RNF220: variants seen among roughly 807,000 people sequenced by gnomAD.
The protein encoded by RNF220 is ring finger protein 220, also known as E3 ubiquitin-protein ligase RNF220.
A neutral mutation model predicts 67.1 loss-of-function variants in RNF220; 7 were observed. That is an observed-to-expected ratio of 0.10 (90% CI 0.06 to 0.20). The LOEUF is 0.20. Ranked by LOEUF, RNF220 falls within the 10% of genes least tolerant of loss-of-function variation. The pLI is 1.00. For missense variants in RNF220, 565 were observed against 740.3 expected (o/e 0.76, Z 2.75); for synonymous variants, 270 against 283.2 (o/e 0.95, Z 0.47).
intron 2 of RNF220, among the ~76,000 whole-genome samples, chr1:44,448,073 C>CGGGT (rs1652284723): frequency 6.6e-6 from 1 of 152,012 alleles, no homozygotes; most frequent in Admixed American, 6.6e-5. Context: ...CCAAGGTGGA[C>CGGGT]GGGTCACTTG....
chr1:44,618,597 C>A (rs1282863120), intron 3 of RNF220, among the ~76,000 whole-genome samples: 2 of 152,210 alleles, frequency 1.3e-5, no homozygotes, highest in Admixed American at 6.5e-5. Flanking sequence ...AGATGGAGGA[C>A]AGATTGTGGA....
At chr1:44,598,187 G>T (rs915607903) in intron 2 of RNF220, among the ~76,000 whole-genome samples, 1 of 152,074 alleles carries the variant, frequency 6.6e-6, no homozygotes, top group Admixed American at 6.5e-5. Context: ...ACAGGGAGGG[G>T]GCTAAGCCCA....
At chr1:44,599,400 C>T (rs1300482242) in intron 2 of RNF220, among the ~76,000 whole-genome samples, 2 of 152,138 alleles carry the variant, frequency 1.3e-5, no homozygotes, top group African/African-American at 2.4e-5. Context: ...GGGTCAGGCG[C>T]GGTGGCTCAC....
At chr1:44,583,055 T>A (rs1665428123) in intron 2 of RNF220, among the ~76,000 whole-genome samples, 1 of 152,084 alleles carries the variant, frequency 6.6e-6, no homozygotes, top group South Asian at 2.1e-4. Context: ...CAAGTCACTG[T>A]CCGTGGAGTC....
At chr1:44,548,269 G>A (rs272568) in intron 2 of RNF220, among the ~76,000 whole-genome samples, 135,769 of 152,202 alleles carry the variant, frequency 0.89, 61,283 homozygotes, top group Non-Finnish European at 0.97. Context: ...CTTTCTCCCT[G>A]CCGTCCATCC....
intron 2 of RNF220, among the ~76,000 whole-genome samples, chr1:44,479,453 T>A (rs765361939): frequency 2.0e-5 from 3 of 152,098 alleles, no homozygotes; most frequent in Non-Finnish European, 2.9e-5. Context: ...ACTCATCAAC[T>A]CTATGTACCA....
rs2148318806 is a variant in RNF220 at position 44,571,194 on chromosome 1, TG to T, written c.626-42969del. Among the ~76,000 whole-genome samples the T allele has an allele frequency of 2.6e-5, 4 of 152,300 alleles. No homozygotes were observed. The East Asian group carries it at 7.7e-4, about 29-fold the overall frequency. ...TCCCAACCTACAAGACCCTACAGTC[TG>T]GCCCCTCTTCCATCTGCTCTCTCTA... On this transcript the variant is annotated intron_variant, in intron 2 of 14. Transcript: ENST00000361799.
chr1:44,560,624 C>T (rs954508347), intron 2 of RNF220, among the ~76,000 whole-genome samples: 2 of 152,150 alleles, frequency 1.3e-5, no homozygotes, highest in African/African-American at 2.4e-5. Flanking sequence ...TGCAATGAGG[C>T]GATCTCTGCT....
chr1:44,503,324 A>C (rs1453227718), intron 2 of RNF220, among the ~76,000 whole-genome samples: 1 of 114,914 alleles, frequency 8.7e-6, no homozygotes, highest in African/African-American at 3.3e-5. Flanking sequence ...ACAGAGCCAG[A>C]TGCTGTCTCA....
At chr1:44,418,888 A>G (rs1648903460) in intron 2 of RNF220, among the ~76,000 whole-genome samples, 1 of 152,102 alleles carries the variant, frequency 6.6e-6, no homozygotes, top group African/African-American at 2.4e-5. Flanking sequence ...TTATATTTTT[A>G]TAATAGTTTT....
chr1:44,497,658 G>A (rs1407662118), intron 2 of RNF220, among the ~76,000 whole-genome samples: 2 of 152,092 alleles, frequency 1.3e-5, no homozygotes, highest in Non-Finnish European at 2.9e-5. Context: ...CCTGTGTTAA[G>A]GTCAGACCTC....
rs1045164072 is a variant in RNF220, at chr1:44,645,740, C to G, written c.1445+252C>G. Among the ~76,000 whole-genome samples, 1 of 152,346 alleles carries G rather than the reference C, an allele frequency of 6.6e-6. No individual in the cohort carries two copies. Among genetic ancestry groups the G allele is most frequent in the African/African-American group, 2.4e-5 (1 of 41,588 alleles). On this transcript the variant is annotated intron_variant, in intron 12 of 14. Transcript: ENST00000361799. The surrounding 1 kb of genome is among the most constrained non-coding windows in gnomAD (Gnocchi z 5.0). ...CCACCCGCCTGCCTGCCTGCCTGCCCGCCTGCTGCGGCGGCCTTCGCCCGG... is the reference window on the plus strand; with the variant it reads ...CCACCCGCCTGCCTGCCTGCCTGCCGGCCTGCTGCGGCGGCCTTCGCCCGG...
In RNF220 at chr1:44,546,212, G is replaced by A. The variant is rs142305636; in HGVS notation, c.626-67953G>A. 4.9e-3 allele frequency among the ~76,000 whole-genome samples: 750 copies of A among 152,238 alleles called. 7 individuals carry two copies. Among genetic ancestry groups the A allele is most frequent in the African/African-American group, 0.017 (693 of 41,532 alleles). On this transcript the variant is annotated intron_variant, in intron 2 of 14. Transcript: ENST00000361799. ...GCTGGCGAGCTCACTCTCGGTCCTG[G>A]TTCTTCCGGCCACCCAGCCTCTTCA...
intron 2 of RNF220, among the ~76,000 whole-genome samples, chr1:44,471,836 A>G (rs183595940): frequency 5.3e-5 from 8 of 152,080 alleles, no homozygotes; most frequent in African/African-American, 1.7e-4. Flanking sequence ...AAAAAAAAAG[A>G]ACAAAAAACA....
intron 2 of RNF220, among the ~76,000 whole-genome samples, chr1:44,427,537 C>A (rs1486294150): frequency 6.6e-6 from 1 of 152,186 alleles, no homozygotes; most frequent in Non-Finnish European, 1.5e-5. Flanking sequence ...AGTGCGTTGC[C>A]TGGAACTTAC....
intron 2 of RNF220, among the ~76,000 whole-genome samples, chr1:44,599,805 G>A (rs1418140011): frequency 6.6e-6 from 1 of 152,244 alleles, no homozygotes; most frequent in Non-Finnish European, 1.5e-5. Flanking sequence ...ATAGGAGGCT[G>A]GAGAGGGGCA....
intron 2 of RNF220, among the ~76,000 whole-genome samples, chr1:44,425,806 T>A (rs1048021454): frequency 6.6e-6 from 1 of 152,202 alleles, no homozygotes; most frequent in Non-Finnish European, 1.5e-5. Flanking sequence ...CATAGGTACA[T>A]GCAAGATGTC....
intron 2 of RNF220, among the ~76,000 whole-genome samples, chr1:44,582,495 G>A (rs568945491): frequency 3.3e-5 from 5 of 152,306 alleles, no homozygotes; most frequent in Admixed American, 6.5e-5. Flanking sequence ...GGTGGCTCAC[G>A]CCTGTAATCC....
chr1:44,584,143 C>G (rs1171632922), intron 2 of RNF220, among the ~76,000 whole-genome samples: 1 of 152,202 alleles, frequency 6.6e-6, no homozygotes, highest in East Asian at 1.9e-4. Flanking sequence ...AACTCCAGCT[C>G]GAGCAGCCCA....
Sources: gnomAD v4.1 joint callset for allele counts (sites outside exome capture counted in the v4.1 genomes callset) on GRCh38, gnomAD v4.1.1 for gene constraint, Gnocchi (gnomAD v3.1) non-coding constraint, MANE v1.5 for transcripts, NCBI Gene and HGNC (gene_info 2026-07-23, HGNC 2026-07-21) for gene names.